Variants in TAB2 observed in about 807,000 individuals in gnomAD.
The protein encoded by TAB2 is TGF-beta-activated kinase 1 and MAP3K7-binding protein 2.
In TAB2, 3 loss-of-function variants were observed where a neutral mutation model predicts 65.0. That is an observed-to-expected ratio of 0.05 (90% CI 0.02 to 0.12). The LOEUF (loss-of-function observed/expected upper bound fraction) is 0.12. Among genes scored for constraint, TAB2 ranks in the 10% least tolerant of loss-of-function variants. The pLI, the probability that TAB2 is intolerant of heterozygous loss-of-function variation, is 1.00. For missense variants in TAB2, 623 were observed against 840.3 expected, an observed-to-expected ratio of 0.74 and a Z score of 3.20; for synonymous variants, 298 against 285.1, an observed-to-expected ratio of 1.05 and a Z score of -0.46.
intron 1 of TAB2, among the ~76,000 whole-genome samples, chr6:149,351,239 C>A (rs6922130): frequency 2.6e-5 from 4 of 151,986 alleles, no homozygotes; most frequent in African/African-American, 9.7e-5. Context: ...GTCAGATTTC[C>A]CCAACTGCAA....
chr6:149,282,088 C>G (rs2114686348), intron 1 of TAB2, among the ~76,000 whole-genome samples: 1 of 152,088 alleles, frequency 6.6e-6, no homozygotes, highest in East Asian at 1.9e-4. Context: ...ATTGCTTAAA[C>G]CTGGGAGATG....
At chr6:149,247,911 G>A (rs1368028689) in intron 1 of TAB2, 1 of 152,194 alleles carries the variant, frequency 6.6e-6, no homozygotes, top group African/African-American at 2.4e-5. Flanking sequence ...GGCCTGTTGA[G>A]GGGTAGGGGC....
chr6:149,340,754 A>G (rs1199738867), intron 1 of TAB2, among the ~76,000 whole-genome samples: 1 of 152,172 alleles, frequency 6.6e-6, no homozygotes, highest in African/African-American at 2.4e-5. Context: ...CAGTCTTATC[A>G]TCTAAGTTTT....
At chr6:149,384,007 A>ACG (rs1357092400) in intron 3 of TAB2, among the ~76,000 whole-genome samples, 1 of 152,222 alleles carries the variant, frequency 6.6e-6, no homozygotes, top group Non-Finnish European at 1.5e-5. Context: ...CAGTTACTAA[A>ACG]CGGGGTGGCC....
intron 6 of TAB2, among the ~76,000 whole-genome samples, chr6:149,402,359 A>T (rs1488872037): frequency 6.6e-6 from 1 of 152,180 alleles, no homozygotes; most frequent in East Asian, 1.9e-4. Context: ...ATCCAAAAAA[A>T]ATTGATATCA....
intron 1 of TAB2, chr6:149,246,503 C>A (rs1047866720): frequency 3.9e-5 from 6 of 152,188 alleles, no homozygotes; most frequent in Admixed American, 2.0e-4. Context: ...GTTTTCTATT[C>A]GACCATAGCC....
rs1297176089 is a variant in TAB2, at chr6:149,342,492, A to G, written c.-90+24477A>G. 2.6e-5 allele frequency among the ~76,000 whole-genome samples: 4 copies of G among 152,330 alleles called. No individual in the cohort carries two copies. The East Asian group carries it at 7.7e-4, about 29-fold the overall frequency. On this transcript the variant is annotated intron_variant, in intron 1 of 6. Transcript: ENST00000637181. ...TTCCAGAATAGTGTTGGGTAGGTTA[A>G]AAGAATGGCTTAACCAAAGTAAACA...
At chr6:149,322,149 A>C (rs1779476097) in intron 1 of TAB2, among the ~76,000 whole-genome samples, 1 of 152,056 alleles carries the variant, frequency 6.6e-6, no homozygotes, top group South Asian at 2.1e-4. Context: ...ACTCTTCCAG[A>C]TGCTGGAGGT....
intron 1 of TAB2, among the ~76,000 whole-genome samples, chr6:149,262,544 A>T (rs1583053591): frequency 6.6e-6 from 1 of 152,118 alleles, no homozygotes; most frequent in South Asian, 2.1e-4. Context: ...AAAAAAAAAA[A>T]AAATCTCATA....
chr6:149,403,299 T>A (rs1235404855), intron 6 of TAB2, among the ~76,000 whole-genome samples: 33 of 63,342 alleles, frequency 5.2e-4, no homozygotes, highest in African/African-American at 2.4e-3. Flanking sequence ...CACACACATA[T>A]ATATATATAT....
In TAB2 at chr6:149,409,695, G is replaced by A. The variant is rs1782782387; in HGVS notation, c.2058G>A (p.Gln686=). 1 of 1,614,170 alleles carries A rather than the reference G, an allele frequency of 6.2e-7. No individual in the cohort carries two copies. The highest frequency in any genetic ancestry group is 8.5e-7 in the Non-Finnish European group (1 of 1,179,980). Residue 686 remains glutamine, a synonymous_variant, in exon 7 of 7, where the codon CAG becomes CAA. Coordinates refer to ENST00000637181, the MANE Select transcript of TAB2 (RefSeq NM_001292034.3). ...ATCCAGCCTTAATTCGCTGTGAACA[G>A]TGTGAGATGCCAAGGCATTTCTGAG... ...LNHPALIRCE[Q]CEMPRHF is the part of the protein sequence containing the mutation.
At chr6:149,275,812 A>G (rs188027866) in intron 1 of TAB2, among the ~76,000 whole-genome samples, 1 of 152,208 alleles carries the variant, frequency 6.6e-6, no homozygotes, top group African/African-American at 2.4e-5. Context: ...CAGCCTAATC[A>G]GGAGAAAAGC....
intron 1 of TAB2, among the ~76,000 whole-genome samples, chr6:149,258,447 A>T (rs1042957507): frequency 2.1e-5 from 3 of 146,320 alleles, no homozygotes; most frequent in South Asian, 2.2e-4. Flanking sequence ...ACACACACAC[A>T]CACACACTTC....
rs992265365 is a variant in TAB2 at position 149,237,921 on chromosome 6, G to A, written c.-121+19145G>A. On this transcript the variant is annotated intron_variant, in intron 1 of 1. Transcript: ENST00000606202. ...TCTTCAAAACTTGGCTCTAAGATTT[G>A]TTTCTCCGTGAAGCTTTCTACCTGC... is the stretch of plus-strand genomic sequence containing the variant. Among the ~76,000 whole-genome samples the A allele has an allele frequency of 3.0e-4, 45 of 152,148 alleles. 2 individuals carry two copies. The highest frequency in any genetic ancestry group is 2.9e-3 in the Admixed American group (45 of 15,278).
intron 1 of TAB2, among the ~76,000 whole-genome samples, chr6:149,337,317 CTT>C (rs1277010485): frequency 2.0e-5 from 3 of 152,110 alleles, no homozygotes; most frequent in Non-Finnish European, 4.4e-5. Flanking sequence ...AACTGGCTTT[CTT>C]TATAATCCTA....
chr6:149,249,574 CTCTG>C (rs1777817261), intron 1 of TAB2, among the ~76,000 whole-genome samples: 1 of 151,830 alleles, frequency 6.6e-6, no homozygotes, highest in South Asian at 2.1e-4. Context: ...CTTTCTGTCT[CTCTG>C]TCTCTGTCTC....
At chr6:149,361,029 G>A (rs1023668016) in intron 1 of TAB2, among the ~76,000 whole-genome samples, 10 of 152,326 alleles carry the variant, frequency 6.6e-5, no homozygotes, top group South Asian at 2.1e-4. Context: ...AGGTGTTCTC[G>A]TGGGTTGGAG....
At chr6:149,281,555 C>CAAAAAAAAAAAAAAAAAAAA (rs59196897) in intron 1 of TAB2, among the ~76,000 whole-genome samples, 3 of 70,348 alleles carry the variant, frequency 4.3e-5, no homozygotes, top group Admixed American at 1.6e-4. Flanking sequence ...GATGCCATCT[C>CAAAAAAAAAAAAAAAAAAAA]AAAAAAAAAA....
chr6:149,275,292 GAAAGAAAGA>G (rs1778448074), intron 1 of TAB2, among the ~76,000 whole-genome samples: 2 of 136,606 alleles, frequency 1.5e-5, no homozygotes, highest in Middle Eastern at 4.0e-3. Context: ...AAGAAAGAAA[GAAAGAAAGA>G]GAAAAAAGAA....
Sources: allele counts gnomAD v4.1 joint callset (sites outside exome capture counted in the v4.1 genomes callset), GRCh38; gene constraint gnomAD v4.1.1; transcripts MANE v1.5; gene names NCBI Gene and HGNC (gene_info 2026-07-23, HGNC 2026-07-21).